Variants in MACROD2 observed in about 807,000 individuals in gnomAD.
MACROD2 encodes the protein ADP-ribose glycohydrolase MACROD2.
In MACROD2, 36 loss-of-function variants were observed where a neutral mutation model predicts 70.4. That is an observed-to-expected ratio of 0.51 (90% confidence interval 0.39 to 0.68). The LOEUF (loss-of-function observed/expected upper bound fraction) is 0.68. Among genes scored for constraint, MACROD2 ranks in the 30% least tolerant of loss-of-function variants. The probability of loss-of-function intolerance (pLI) is 0.00; values close to 1 mark genes in which losing one functional copy is unlikely to be tolerated. For missense variants in MACROD2, 496 were observed against 538.4 expected (o/e 0.92, Z 0.78); for synonymous variants, 172 against 178.8 (o/e 0.96, Z 0.30).
At chr20:15,020,147 G>A (rs568768753) in intron 5 of MACROD2, among the ~76,000 whole-genome samples, 1 of 152,212 alleles carries the variant, frequency 6.6e-6, no homozygotes, top group Admixed American at 6.5e-5. Context: ...GCCTACTTCT[G>A]CTGCAAAATC....
At chr20:15,739,155 A>T (rs140716399) in intron 8 of MACROD2, among the ~76,000 whole-genome samples, 57 of 152,252 alleles carry the variant, frequency 3.7e-4, no homozygotes, top group African/African-American at 1.3e-3. Context: ...TCTGTCAATA[A>T]ATATTTATTG....
chr20:16,038,169 CT>C (rs11475820), intron 15 of MACROD2, among the ~76,000 whole-genome samples: 111,837 of 151,098 alleles, frequency 0.74, 43,088 homozygotes, highest in Non-Finnish European at 0.84. Flanking sequence ...CACTAGATAA[CT>C]TTTTTTTTCT....
At chr20:15,231,259 C>T (rs1601267049) in intron 6 of MACROD2, among the ~76,000 whole-genome samples, 1 of 151,970 alleles carries the variant, frequency 6.6e-6, no homozygotes, top group African/African-American at 2.4e-5. Flanking sequence ...TCGCAAATGG[C>T]TCAATACATA....
chr20:15,856,697 G>A (rs536234013), intron 8 of MACROD2, among the ~76,000 whole-genome samples: 1 of 152,284 alleles, frequency 6.6e-6, no homozygotes, highest in Admixed American at 6.5e-5. Flanking sequence ...TCCAGTTTAA[G>A]ACATAAAGTG....
At chr20:15,803,238 G>C (rs960191046) in intron 8 of MACROD2, among the ~76,000 whole-genome samples, 1 of 152,018 alleles carries the variant, frequency 6.6e-6, no homozygotes, top group African/African-American at 2.4e-5. Context: ...TATCCCTGAC[G>C]AAAGATGCAA....
intron 8 of MACROD2, 27 bp downstream of exon 8, chr20:15,499,874 C>T (rs781597975): frequency 3.2e-5 from 51 of 1,600,032 alleles, no homozygotes; most frequent in Non-Finnish European, 4.3e-5. Context: ...AATCAGTGAA[C>T]ATCCAAGATG....
intron 5 of MACROD2, among the ~76,000 whole-genome samples, chr20:14,994,247 A>T (rs1568917001): frequency 2.0e-5 from 3 of 151,304 alleles, no homozygotes; most frequent in South Asian, 2.1e-4. Context: ...TTCATTGAAT[A>T]AAAAAAAAGA....
At chr20:15,947,250 G>A (rs1223332415) in intron 12 of MACROD2, among the ~76,000 whole-genome samples, 1 of 152,132 alleles carries the variant, frequency 6.6e-6, no homozygotes, top group East Asian at 1.9e-4. Context: ...CTTCACAGGT[G>A]TCGGGCTGGG....
chr20:15,924,693 T>C (rs185736611), intron 10 of MACROD2, among the ~76,000 whole-genome samples: 12 of 152,318 alleles, frequency 7.9e-5, no homozygotes, highest in Admixed American at 2.6e-4. Context: ...CAAACATTAA[T>C]TGATGACAAA....
intron 8 of MACROD2, among the ~76,000 whole-genome samples, chr20:15,660,305 G>A (rs544078835): frequency 2.6e-5 from 4 of 151,804 alleles, no homozygotes; most frequent in South Asian, 2.1e-4. Flanking sequence ...AGTAATCATC[G>A]AGACTGTTTT....
intron 3 of MACROD2, among the ~76,000 whole-genome samples, chr20:14,425,940 AC>A (rs2083927818): frequency 6.6e-6 from 1 of 152,156 alleles, no homozygotes; most frequent in Non-Finnish European, 1.5e-5. Context: ...TTTCCTGACT[AC>A]CGAATTCTAG....
chr20:14,844,226 G>C (rs1421891577), intron 5 of MACROD2, among the ~76,000 whole-genome samples: 1 of 152,006 alleles, frequency 6.6e-6, no homozygotes, highest in Non-Finnish European at 1.5e-5. Flanking sequence ...CCAGTAGTCT[G>C]GGTGGCAAAG....
At chr20:15,170,485 G>A (rs1281277123) in intron 5 of MACROD2, among the ~76,000 whole-genome samples, 2 of 152,188 alleles carry the variant, frequency 1.3e-5, no homozygotes, top group African/African-American at 2.4e-5. Context: ...CTGATGATGG[G>A]TCTGGTGGGC....
At chr20:15,320,973 T>A (rs2077868229) in intron 6 of MACROD2, among the ~76,000 whole-genome samples, 1 of 152,188 alleles carries the variant, frequency 6.6e-6, no homozygotes, top group South Asian at 2.1e-4. Flanking sequence ...AAACAACTCT[T>A]GAGGTATCGT....
chr20:14,074,285 G>C (rs1057301183), intron 2 of MACROD2, among the ~76,000 whole-genome samples: 7 of 152,220 alleles, frequency 4.6e-5, no homozygotes, highest in Admixed American at 3.9e-4. Context: ...TTTAACTGCT[G>C]TCCAGCTCTA....
intron 3 of MACROD2, among the ~76,000 whole-genome samples, chr20:14,348,699 A>C (rs1568571600): frequency 1.3e-5 from 2 of 152,252 alleles, no homozygotes; most frequent in African/African-American, 4.8e-5. Flanking sequence ...TTCATTAAAA[A>C]ATAAATGAAT....
chr20:15,328,580 G>A (rs1267830764), intron 6 of MACROD2, among the ~76,000 whole-genome samples: 1 of 152,038 alleles, frequency 6.6e-6, no homozygotes, highest in Admixed American at 6.6e-5. Flanking sequence ...ACATGACCTG[G>A]TGTCAAACCA....
chr20:15,012,518 G>A (rs939498513), intron 5 of MACROD2, among the ~76,000 whole-genome samples: 4 of 152,134 alleles, frequency 2.6e-5, no homozygotes, highest in East Asian at 1.9e-4. Flanking sequence ...ACAAGAGCCC[G>A]GTAGTTCTTA....
intron 15 of MACROD2, among the ~76,000 whole-genome samples, chr20:16,004,618 C>G (rs2066762065): frequency 1.3e-5 from 2 of 152,232 alleles, no homozygotes; most frequent in Admixed American, 1.3e-4. Context: ...CTCTCTTATA[C>G]TCTCTGCCTT....
Sources: allele counts gnomAD v4.1 joint callset (sites outside exome capture counted in the v4.1 genomes callset), GRCh38; gene constraint gnomAD v4.1.1; transcripts MANE v1.5; gene names NCBI Gene and HGNC (gene_info 2026-07-23, HGNC 2026-07-21).